PDS5B: variants seen among roughly 807,000 people sequenced by gnomAD.
The protein encoded by PDS5B is sister chromatid cohesion protein PDS5 homolog B.
A neutral mutation model predicts 184.1 loss-of-function variants in PDS5B; 51 were observed. That is an observed-to-expected ratio of 0.28 (90% CI 0.22 to 0.35). The LOEUF is 0.35. Among genes scored for constraint, PDS5B ranks in the 10% least tolerant of loss-of-function variants. PDS5B has a pLI of 1.00. For missense variants in PDS5B, 1,180 were observed against 1,723.3 expected (o/e 0.68, Z 5.58); for synonymous variants, 566 against 569.2 (o/e 0.99, Z 0.08).
chr13:32,626,333 T>C (rs1342098826), intron 1 of PDS5B, among the ~76,000 whole-genome samples: 1 of 152,212 alleles, frequency 6.6e-6, no homozygotes, highest in Non-Finnish European at 1.5e-5. Context: ...CTTTGCTTTT[T>C]CTGTATTTTG....
chr13:32,750,847 C>CTCTGTGTGTG (rs1953954481), intron 24 of PDS5B, among the ~76,000 whole-genome samples: 2 of 143,426 alleles, frequency 1.4e-5, no homozygotes, highest in African/African-American at 2.6e-5. Flanking sequence ...CGGCCTCCCT[C>CTCTGTGTGTG]TGTGTGTGTG....
chr13:32,717,363 T>G (rs1475058878), intron 19 of PDS5B, among the ~76,000 whole-genome samples: 12 of 150,342 alleles, frequency 8.0e-5, no homozygotes, highest in African/African-American at 2.9e-4. Context: ...TTCTTCTGCC[T>G]TGGGATCCTG....
intron 1 of PDS5B, among the ~76,000 whole-genome samples, chr13:32,647,469 G>C (rs1472161405): frequency 6.6e-6 from 1 of 151,906 alleles, no homozygotes; most frequent in Admixed American, 6.6e-5. Context: ...TGGGATTTTG[G>C]TATGTTGCCC....
chr13:32,689,527 T>G (rs1342662459), intron 13 of PDS5B: 2 of 152,146 alleles, frequency 1.3e-5, no homozygotes, highest in Non-Finnish European at 2.9e-5. Flanking sequence ...CTTAAAATAT[T>G]TACTGTCCGG....
At position 32,714,864 on chromosome 13, in the gene PDS5B, G is replaced by C. The variant is rs141469248; in HGVS notation, c.2123+4758G>C. ...CCTGAGGCGATATACATCCTCCTCAGCTGACAGGATTAAGAGATTAAAGTA... is the reference window on the plus strand; with the variant it reads ...CCTGAGGCGATATACATCCTCCTCACCTGACAGGATTAAGAGATTAAAGTA... On this transcript the variant is annotated intron_variant, in intron 19 of 34. Transcript: ENST00000315596. 4.3e-3 allele frequency among the ~76,000 whole-genome samples: 657 copies of C among 152,252 alleles called. 5 individuals are homozygous for C. The highest frequency in any genetic ancestry group is 0.015 in the African/African-American group (623 of 41,534).
chr13:32,655,368 A>AT lies in PDS5B; in HGVS notation c.313-2870dup, dbSNP rs368287046. On this transcript the variant is annotated intron_variant, in intron 3 of 34. Coordinates refer to ENST00000315596, the MANE Select transcript of PDS5B (RefSeq NM_015032.4). ...TCTTCATGTTCTTTGCCATATATAT[A>AT]TATATATTTTTTTTTTTTTTTTTTT... 3.8e-3 allele frequency among the ~76,000 whole-genome samples: 104 copies of AT among 27,146 alleles called. 2 individuals carry two copies. Among genetic ancestry groups the AT allele is most frequent in the African/African-American group, 0.017 (103 of 5,954 alleles). The allele number at this position is 27,146 out of a possible 152,430, so 17.8% of individuals were successfully genotyped here.
intron 2 of PDS5B, among the ~76,000 whole-genome samples, 179 bp from the exon 3 acceptor site, chr13:32,651,625 T>G (rs546709620): frequency 6.6e-6 from 1 of 152,234 alleles, no homozygotes; most frequent in Non-Finnish European, 1.5e-5. Flanking sequence ...GTAAGTCTTT[T>G]AAATAGAAGT....
At chr13:32,587,992 C>T (rs2057717009) in intron 1 of PDS5B, among the ~76,000 whole-genome samples, 3 of 152,148 alleles carry the variant, frequency 2.0e-5, no homozygotes, top group African/African-American at 4.8e-5. Flanking sequence ...AATGCTTGAA[C>T]GGCAGTATAG....
At chr13:32,672,751 C>G (rs779396636) in intron 7 of PDS5B, among the ~76,000 whole-genome samples, 2 of 152,156 alleles carry the variant, frequency 1.3e-5, no homozygotes, top group Non-Finnish European at 1.5e-5. Context: ...GCCTTCCAGC[C>G]TATTTGGATG....
Position 32,770,103 on chromosome 13 carries a change from A to ATTTTTTTT in PDS5B, c.3625-15_3625-8dup. 6.6e-7 allele frequency: 1 copy of ATTTTTTTT among 1,523,920 alleles called. No homozygotes were observed. The highest frequency in any genetic ancestry group is 8.8e-7 in the Non-Finnish European group (1 of 1,131,278). The allele number at this position is 1,523,920 out of a possible 1,614,324, so 94.4% of individuals were successfully genotyped here. A position where few individuals can be genotyped will look rare whatever the true frequency, so the allele number is the denominator to read the frequency against. ...CACAATTTCATAACCATAAATTGTG[A>ATTTTTTTT]TTTTTTTTTTCCCCTAGTCTGAATT... is the stretch of plus-strand genomic sequence containing the variant. On this transcript the variant is annotated splice_polypyrimidine_tract_variant and intron_variant, in intron 31 of 34. Coordinates refer to ENST00000315596, the MANE Select transcript of PDS5B (RefSeq NM_015032.4).
At chr13:32,720,897 C>G (rs1047107276) in intron 19 of PDS5B, among the ~76,000 whole-genome samples, 2 of 151,990 alleles carry the variant, frequency 1.3e-5, no homozygotes, top group Admixed American at 1.3e-4. Flanking sequence ...CATCTTGCAC[C>G]GCCCTTAATC....
intron 19 of PDS5B, among the ~76,000 whole-genome samples, chr13:32,723,829 T>C (rs558164191): frequency 6.6e-6 from 1 of 152,334 alleles, no homozygotes; most frequent in African/African-American, 2.4e-5. Context: ...GACCATAGAC[T>C]AAAAGATTAG....
intron 19 of PDS5B, 108 bp downstream of exon 19, chr13:32,710,214 GTTATC>G: frequency 2.9e-6 from 2 of 692,030 alleles, no homozygotes; most frequent in Non-Finnish European, 4.4e-6. Flanking sequence ...AACTGTCTAG[GTTATC>G]TTAAGTCTGT....
intron 14 of PDS5B, 98 bp from the exon 15 acceptor site, chr13:32,696,756 A>G: frequency 1.3e-6 from 1 of 780,260 alleles, no homozygotes; most frequent in Non-Finnish European, 2.2e-6. Flanking sequence ...ATGGGTCTGC[A>G]GCATTTAGTG....
intron 8 of PDS5B, among the ~76,000 whole-genome samples, chr13:32,673,699 C>T (rs1241811794): frequency 2.0e-5 from 3 of 152,154 alleles, no homozygotes; most frequent in Non-Finnish European, 2.9e-5. Context: ...ACCACTGAGG[C>T]CATAAAAATA....
At chr13:32,590,927 T>C (rs1250565310) in intron 1 of PDS5B, among the ~76,000 whole-genome samples, 1 of 151,446 alleles carries the variant, frequency 6.6e-6, no homozygotes, top group Non-Finnish European at 1.5e-5. Context: ...CCTAAAGAAT[T>C]GTGTATTTTA....
At chr13:32,630,976 T>C (rs149128697) in intron 1 of PDS5B, among the ~76,000 whole-genome samples, 24 of 152,182 alleles carry the variant, frequency 1.6e-4, no homozygotes, top group African/African-American at 5.5e-4. Flanking sequence ...CTTTTTTTGG[T>C]GGAGACAGGG....
Position 32,586,463 on chromosome 13 carries a change from G to A in PDS5B, c.-150G>A, listed in dbSNP as rs1421219452. 6.6e-6 allele frequency: 1 copy of A among 152,074 alleles called. No individual in the cohort carries two copies. Among genetic ancestry groups the A allele is most frequent in the Non-Finnish European group, 1.5e-5 (1 of 68,114 alleles). 9.4% of individuals were successfully genotyped at this position (152,074 alleles called of 1,614,324 possible). On this transcript the variant is annotated 5_prime_UTR_variant, in exon 1 of 35. Transcript: ENST00000315596. The stretch of plus-strand genomic sequence containing the variant: ...GAAGAGCGCTTGGCGCCATTTTGAA[G>A]CGGAGAGGAGGAGGAACGGCAGGGC...
At chr13:32,611,796 A>G (rs948982305) in intron 1 of PDS5B, among the ~76,000 whole-genome samples, 1 of 152,034 alleles carries the variant, frequency 6.6e-6, no homozygotes. Context: ...AGCATGAGCC[A>G]CGGTGCCTGG....
Sources: gnomAD v4.1 joint callset for allele counts (sites outside exome capture counted in the v4.1 genomes callset) on GRCh38, gnomAD v4.1.1 for gene constraint, MANE v1.5 for transcripts, NCBI Gene and HGNC (gene_info 2026-07-23, HGNC 2026-07-21) for gene names.